The following BLK variants were observed in gnomAD, a reference collection of about 807,000 sequenced individuals.
The protein encoded by BLK is tyrosine-protein kinase Blk.
Under a neutral mutation model 61.8 loss-of-function variants are expected in BLK, and 64 were observed. The ratio of observed to expected loss-of-function variants is 1.03; its 90% CI spans 0.85 to 1.27. The LOEUF is 1.27. Among genes scored for constraint, BLK ranks in the 50% most tolerant of loss-of-function variants. BLK has a pLI of 0.00. For synonymous variants in BLK, 351 were observed against 272.0 expected, an observed-to-expected ratio of 1.29 and a Z score of -2.86; for missense variants, 853 against 660.5, an observed-to-expected ratio of 1.29 and a Z score of -3.19.
At chr8:11,541,325 G>A (rs1331432039) in intron 1 of BLK, among the ~76,000 whole-genome samples, 1 of 152,112 alleles carries the variant, frequency 6.6e-6, no homozygotes, top group Non-Finnish European at 1.5e-5. Flanking sequence ...CTAATATGCT[G>A]TAATCAAATA....
chr8:11,522,136 T>C (rs1484942658), intron 1 of BLK, among the ~76,000 whole-genome samples: 1 of 152,148 alleles, frequency 6.6e-6, no homozygotes, highest in Non-Finnish European at 1.5e-5. Flanking sequence ...ACATATTTTA[T>C]TAGGTCCATT....
chr8:11,550,102 G>A lies in BLK; in HGVS notation c.369-57G>A, dbSNP rs1376793305. On this transcript the variant is annotated intron_variant, in intron 5 of 12. Transcript: ENST00000259089. ...GGCAGTGCAGGAGGGAGGCTGTGTG[G>A]GAATACTCCGAGGAGCAGGGTCGCT... is the stretch of plus-strand genomic sequence containing the variant. 8.1e-6 allele frequency: 12 copies of A among 1,483,838 alleles called. No individual in the cohort carries two copies. In the East Asian group the frequency reaches 2.5e-4, roughly 31 times the overall value. The allele number at this position is 1,483,838 out of a possible 1,614,324, so 91.9% of individuals were successfully genotyped here.
rs1801633983 is a variant in BLK, at chr8:11,564,406, T to G, written c.*298T>G. ...AAGGTGTTCAGGACTGGTAAGCGAC[T>G]GTCATCAAGTAAGGCCCCCGTGCTG... On this transcript the variant is annotated 3_prime_UTR_variant, in exon 13 of 13. Coordinates refer to ENST00000259089, the MANE Select transcript of BLK (RefSeq NM_001715.3). 1.6e-6 allele frequency: 1 copy of G among 629,506 alleles called. No homozygotes were observed. The highest frequency in any genetic ancestry group is 1.8e-5 in the African/African-American group (1 of 55,676). 39.0% of individuals were successfully genotyped at this position (629,506 alleles called of 1,614,324 possible). A position where few individuals can be genotyped will look rare whatever the true frequency, so the allele number is the denominator to read the frequency against.
intron 8 of BLK, chr8:11,556,232 G>A (rs372517063): frequency 2.0e-5 from 6 of 298,216 alleles, no homozygotes; most frequent in Non-Finnish European, 3.3e-5. Context: ...GGACAGGATC[G>A]CCATGGGGCT....
chr8:11,536,623 G>T (rs961890833), intron 1 of BLK, among the ~76,000 whole-genome samples: 2 of 152,082 alleles, frequency 1.3e-5, no homozygotes, highest in African/African-American at 4.8e-5. Flanking sequence ...GGCCAGGTTG[G>T]TCTCAAACCC....
At chr8:11,545,243 A>T (rs1025571871) in intron 2 of BLK, among the ~76,000 whole-genome samples, 2 of 152,160 alleles carry the variant, frequency 1.3e-5, no homozygotes, top group Non-Finnish European at 2.9e-5. Context: ...GGTTAGTTCC[A>T]CGTTTTAAAA....
intron 5 of BLK, 51 bp from the exon 6 acceptor site, chr8:11,550,108 C>A (rs761313874): frequency 2.9e-5 from 45 of 1,530,296 alleles, no homozygotes; most frequent in Non-Finnish European, 3.9e-5. Context: ...TGTGGGAATA[C>A]TCCGAGGAGC....
intron 3 of BLK, among the ~76,000 whole-genome samples, chr8:11,546,633 T>C (rs564815908): frequency 6.0e-4 from 92 of 152,310 alleles, no homozygotes; most frequent in African/African-American, 2.2e-3. Flanking sequence ...TGCAGTGCAG[T>C]GACCCAACCT....
At chr8:11,513,758 C>A (rs1370927999) in intron 1 of BLK, among the ~76,000 whole-genome samples, 3 of 152,198 alleles carry the variant, frequency 2.0e-5, no homozygotes, top group Non-Finnish European at 2.9e-5. Flanking sequence ...GTGCTCAGAA[C>A]AGGTTGTGGA....
chr8:11,507,419 G>A (rs1347540540), intron 1 of BLK, among the ~76,000 whole-genome samples: 2 of 152,232 alleles, frequency 1.3e-5, no homozygotes, highest in African/African-American at 4.8e-5. Context: ...CAGGGGACGG[G>A]CCTGTCATGG....
At chr8:11,497,211 T>C (rs2117227195) in intron 1 of BLK, among the ~76,000 whole-genome samples, 2 of 152,274 alleles carry the variant, frequency 1.3e-5, no homozygotes, top group South Asian at 2.1e-4. Flanking sequence ...ACAAAACTCT[T>C]ACAGGAAAAT....
chr8:11,550,922 TAAAC>T (rs1048749331), intron 6 of BLK, among the ~76,000 whole-genome samples: 6 of 152,198 alleles, frequency 3.9e-5, no homozygotes, highest in African/African-American at 1.2e-4. Context: ...AGGGTAATAA[TAAAC>T]AAATCCCTGT....
At chr8:11,511,188 A>G (rs537739474) in intron 1 of BLK, among the ~76,000 whole-genome samples, 5 of 152,334 alleles carry the variant, frequency 3.3e-5, no homozygotes, top group African/African-American at 9.6e-5. Context: ...GGAGTGGGAG[A>G]CTTCAGCTCA....
intron 1 of BLK, among the ~76,000 whole-genome samples, chr8:11,541,453 G>C (rs1800376996): frequency 6.6e-6 from 1 of 151,278 alleles, no homozygotes. Context: ...ATAGGCACCT[G>C]CTAAAATTCA....
intron 1 of BLK, among the ~76,000 whole-genome samples, chr8:11,521,503 C>T (rs1270223892): frequency 2.0e-5 from 3 of 152,196 alleles, no homozygotes; most frequent in Non-Finnish European, 2.9e-5. Flanking sequence ...GTTGCTCAGG[C>T]TGGTCTCGAA....
At chr8:11,560,143 G>GTGGA (rs1193379158) in intron 10 of BLK, 1 of 51,956 alleles carries the variant, frequency 1.9e-5, no homozygotes, top group Admixed American at 2.3e-4. Flanking sequence ...GGATGCGTGG[G>GTGGA]TGGGTGGGTG....
intron 1 of BLK, among the ~76,000 whole-genome samples, chr8:11,501,960 A>C (rs1048405609): frequency 2.0e-5 from 3 of 152,252 alleles, no homozygotes; most frequent in Non-Finnish European, 4.4e-5. Context: ...TTAAGCATAG[A>C]AAATCCATGA....
chr8:11,547,972 C>G, intron 3 of BLK, 60 bp from the exon 4 acceptor site: 1 of 1,460,056 alleles, frequency 6.8e-7, no homozygotes, highest in Non-Finnish European at 9.6e-7. Context: ...AGGCTCACCC[C>G]AGCCCCACCT....
At position 11,555,468 on chromosome 8, in the gene BLK, C is replaced by T. The variant is rs201158722; in HGVS notation, c.756C>T (p.Phe252=). 1.8e-5 allele frequency: 29 copies of T among 1,614,030 alleles called. No homozygotes were observed. Among genetic ancestry groups the T allele is most frequent in the East Asian group, 6.7e-5 (3 of 44,888 alleles). Reference sequence around the variant, plus strand: ...TCAGGAAACTCGGGTCTGGACAATTCGGCGAAGTCTGGATGGGTGAGTGTG... The same window carrying T: ...TCAGGAAACTCGGGTCTGGACAATTTGGCGAAGTCTGGATGGGTGAGTGTG... ...RLVRKLGSGQ[F]GEVWMGYYKN... Residue 252 remains phenylalanine, a synonymous_variant, in exon 8 of 13, where the codon TTC becomes TTT. Transcript: ENST00000259089.
Sources: allele counts gnomAD v4.1 joint callset (sites outside exome capture counted in the v4.1 genomes callset), GRCh38; gene constraint gnomAD v4.1.1; transcripts MANE v1.5; gene names NCBI Gene and HGNC (gene_info 2026-07-23, HGNC 2026-07-21).